The following SLCO6A1 variants were observed in gnomAD, a reference collection of about 807,000 sequenced individuals.
SLCO6A1 encodes solute carrier organic anion transporter family member 6A1.
SLCO6A1 carries 65 observed loss-of-function variants against 72.7 expected under a neutral mutation model. That is an observed-to-expected ratio of 0.89 (90% CI 0.73 to 1.10). The LOEUF (loss-of-function observed/expected upper bound fraction) is 1.10. Among genes scored for constraint, SLCO6A1 ranks in the 50% least tolerant of loss-of-function variants. The pLI is 0.00. For missense variants in SLCO6A1, 874 were observed against 872.6 expected (o/e 1.00, Z -0.02); for synonymous variants, 314 against 298.2 (o/e 1.05, Z -0.55).
intron 2 of SLCO6A1, among the ~76,000 whole-genome samples, chr5:102,479,119 G>A (rs1752056861): frequency 6.6e-6 from 1 of 152,112 alleles, no homozygotes; most frequent in Admixed American, 6.5e-5. Flanking sequence ...GGAGGGACCT[G>A]GTGGGAGGTG....
At chr5:102,452,326 T>C (rs976177373) in intron 6 of SLCO6A1, among the ~76,000 whole-genome samples, 2 of 152,210 alleles carry the variant, frequency 1.3e-5, no homozygotes, top group African/African-American at 4.8e-5. Context: ...TGCTTTTTGC[T>C]TTTCTGTGAT....
chr5:102,485,963 C>T (rs1034371171), intron 1 of SLCO6A1, among the ~76,000 whole-genome samples: 1 of 152,146 alleles, frequency 6.6e-6, no homozygotes, highest in African/African-American at 2.4e-5. Flanking sequence ...AAAACAAGCA[C>T]TGTTAAATGA....
intron 7 of SLCO6A1, among the ~76,000 whole-genome samples, chr5:102,422,501 G>A (rs965156433): frequency 3.9e-5 from 6 of 152,190 alleles, no homozygotes; most frequent in Non-Finnish European, 8.8e-5. Flanking sequence ...TAGCTGAATC[G>A]ATCAAGTGGA....
intron 8 of SLCO6A1, among the ~76,000 whole-genome samples, chr5:102,415,659 G>A (rs1249027384): frequency 6.6e-6 from 1 of 151,988 alleles, no homozygotes; most frequent in African/African-American, 2.4e-5. Flanking sequence ...CAAAGAATTC[G>A]TGATTGATAC....
At chr5:102,442,829 CGA>C (rs1201921526) in intron 6 of SLCO6A1, among the ~76,000 whole-genome samples, 3 of 152,086 alleles carry the variant, frequency 2.0e-5, no homozygotes, top group Non-Finnish European at 4.4e-5. Context: ...TTTGGGAGGC[CGA>C]GGTGGGCGGC....
At chr5:102,457,407 A>G (rs1024545560) in intron 6 of SLCO6A1, among the ~76,000 whole-genome samples, 155 of 149,692 alleles carry the variant, frequency 1.0e-3, no homozygotes, top group Admixed American at 1.9e-3. Context: ...AATTTACAAG[A>G]AAAAAAAAAC....
chr5:102,451,072 C>A (rs1000925493), intron 6 of SLCO6A1, among the ~76,000 whole-genome samples: 4 of 152,078 alleles, frequency 2.6e-5, no homozygotes, highest in African/African-American at 7.2e-5. Flanking sequence ...AGAGGCCCTG[C>A]CCAGTGAGGA....
intron 1 of SLCO6A1, among the ~76,000 whole-genome samples, chr5:102,483,233 A>G (rs140094112): frequency 1.6e-3 from 251 of 152,312 alleles, no homozygotes; most frequent in African/African-American, 5.7e-3. Flanking sequence ...CTCACCACTT[A>G]CACAGCCTTT....
At chr5:102,373,244 G>A (rs1407694357) in intron 13 of SLCO6A1, 93 bp downstream of exon 13, 3 of 741,648 alleles carry the variant, frequency 4.0e-6, no homozygotes, top group African/African-American at 1.9e-5. Flanking sequence ...ATTATATGAA[G>A]CACATTTGTT....
intron 6 of SLCO6A1, among the ~76,000 whole-genome samples, chr5:102,448,821 C>T (rs566725235): frequency 2.5e-4 from 38 of 151,994 alleles, no homozygotes; most frequent in African/African-American, 7.7e-4. Flanking sequence ...CTTTATTATC[C>T]GACTCGACGG....
chr5:102,464,879 C>A (rs1054359200), intron 4 of SLCO6A1, among the ~76,000 whole-genome samples: 12 of 152,110 alleles, frequency 7.9e-5, no homozygotes, highest in African/African-American at 2.9e-4. Flanking sequence ...AATAGGTCAA[C>A]CGCTTTAGGT....
intron 1 of SLCO6A1, among the ~76,000 whole-genome samples, chr5:102,497,160 G>T (rs1308734198): frequency 2.6e-5 from 4 of 152,264 alleles, no homozygotes; most frequent in Non-Finnish European, 5.9e-5. Flanking sequence ...ATGTAATAGG[G>T]GAGGTGAGAG....
intron 9 of SLCO6A1, among the ~76,000 whole-genome samples, chr5:102,402,296 C>A (rs931497715): frequency 1.3e-5 from 2 of 152,004 alleles, no homozygotes. Context: ...GATTACTAAC[C>A]ACTGTATTAG....
rs1272221473 is a variant in SLCO6A1, at chr5:102,477,738, T to C, written c.740A>G (p.Tyr247Cys). 1 of 1,613,618 alleles carries C rather than the reference T, an allele frequency of 6.2e-7. No homozygotes were observed. Among genetic ancestry groups the C allele is most frequent in the East Asian group, 2.2e-5 (1 of 44,856 alleles). The change falls in exon 3 of 14, where the codon TAT becomes TGT. Residue 247 changes from tyrosine (Y) to cysteine (C), a missense_variant. By Grantham distance (194) the Tyr-to-Cys change is radical (BLOSUM62 -2). Transcript: ENST00000506729. ...ATCAATAAAGGTTATTCCAAGGATA[T>C]AAAGAGGCATTCCTGCTATTCCCTG... ...TVQGIAGMPL[Y>C]ILGITFIDEN...
At chr5:102,475,489 G>C (rs1229744681) in intron 4 of SLCO6A1, among the ~76,000 whole-genome samples, 1 of 152,048 alleles carries the variant, frequency 6.6e-6, no homozygotes, top group Non-Finnish European at 1.5e-5. Context: ...ATAGTTAACA[G>C]TGCTGTACTA....
intron 1 of SLCO6A1, among the ~76,000 whole-genome samples, chr5:102,481,806 T>C (rs1484861310): frequency 1.3e-5 from 2 of 152,194 alleles, no homozygotes; most frequent in African/African-American, 4.8e-5. Context: ...CTCAGTGTAA[T>C]GTTAATCCTT....
rs1414126778 is a variant in SLCO6A1, at chr5:102,459,652, T to C, written c.1021+4A>G. 2.5e-6 allele frequency: 4 copies of C among 1,576,932 alleles called. No homozygotes were observed. In the South Asian group the frequency reaches 4.7e-5, roughly 19 times the overall value. ...CAATTTAATAAATTACATTTTATAG[T>C]CACCTGGCATATTGTTTGGAAAGCA... is the stretch of plus-strand genomic sequence containing the variant. On this transcript the variant is annotated splice_donor_region_variant and intron_variant, in intron 5 of 13. Transcript: ENST00000506729.
intron 1 of SLCO6A1, among the ~76,000 whole-genome samples, chr5:102,497,744 C>T (rs1184859780): frequency 2.0e-5 from 3 of 152,198 alleles, no homozygotes; most frequent in African/African-American, 7.2e-5. Flanking sequence ...CACAGTTTGA[C>T]TCTGAAACAA....
chr5:102,480,764 CTAATA>C (rs965936273), intron 1 of SLCO6A1, among the ~76,000 whole-genome samples: 2 of 152,012 alleles, frequency 1.3e-5, no homozygotes, highest in East Asian at 1.9e-4. Flanking sequence ...AAAACCATTA[CTAATA>C]TAATATTTAT....
Sources: allele counts gnomAD v4.1 joint callset (sites outside exome capture counted in the v4.1 genomes callset), GRCh38; gene constraint gnomAD v4.1.1; transcripts MANE v1.5; gene names NCBI Gene and HGNC (gene_info 2026-07-23, HGNC 2026-07-21).